Variants in CCDC7 observed in about 807,000 individuals in gnomAD.
CCDC7 encodes coiled-coil domain-containing protein 7.
CCDC7 carries 183 observed loss-of-function variants against 196.9 expected under a neutral mutation model. That is an observed-to-expected ratio of 0.93 (90% CI 0.82 to 1.05). CCDC7 has a LOEUF of 1.05. CCDC7 is among the 50% of genes least tolerant of loss of function. The pLI is 0.00. For synonymous variants in CCDC7, 525 were observed against 484.6 expected (o/e 1.08, Z -1.10); for missense variants, 1,540 against 1,482.2 (o/e 1.04, Z -0.64).
At chr10:32,859,376 C>T (rs2093883997) in intron 41 of CCDC7, among the ~76,000 whole-genome samples, 1 of 152,086 alleles carries the variant, frequency 6.6e-6, no homozygotes, top group Non-Finnish European at 1.5e-5. Context: ...CCAATGAGAA[C>T]AAAGACAGAG....
intron 18 of CCDC7, among the ~76,000 whole-genome samples, chr10:32,621,165 G>A (rs1286171194): frequency 6.6e-6 from 1 of 152,122 alleles, no homozygotes; most frequent in Non-Finnish European, 1.5e-5. Flanking sequence ...ACTTTACTTT[G>A]AAGGATTTTA....
At chr10:32,765,086 CTCAA>C (rs2078059286) in intron 28 of CCDC7, among the ~76,000 whole-genome samples, 1 of 151,970 alleles carries the variant, frequency 6.6e-6, no homozygotes, top group South Asian at 2.1e-4. Flanking sequence ...GTCATGGCCT[CTCAA>C]TCAATTCCCA....
chr10:32,552,632 A>G (rs1236883844), intron 13 of CCDC7, among the ~76,000 whole-genome samples: 1 of 152,088 alleles, frequency 6.6e-6, no homozygotes, highest in East Asian at 1.9e-4. Context: ...GAATTCTCTC[A>G]CCATTTGTTT....
intron 20 of CCDC7, among the ~76,000 whole-genome samples, chr10:32,663,381 G>A (rs2071933169): frequency 6.6e-6 from 1 of 152,114 alleles, no homozygotes; most frequent in South Asian, 2.1e-4. Flanking sequence ...TTTGCATGTA[G>A]GGTCTATGCA....
chr10:32,589,180 A>G (rs1009681238), intron 18 of CCDC7, among the ~76,000 whole-genome samples: 2 of 151,778 alleles, frequency 1.3e-5, no homozygotes, highest in East Asian at 3.9e-4. Flanking sequence ...CCATCCTTCT[A>G]CTCTCAATGT....
At chr10:32,834,685 T>C (rs2092464758) in intron 32 of CCDC7, 130 bp from the exon 34 acceptor site, 1 of 471,614 alleles carries the variant, frequency 2.1e-6, no homozygotes, top group Non-Finnish European at 3.9e-6. Flanking sequence ...TAATTCATCT[T>C]CTTTAATGAC....
chr10:32,822,165 C>T (rs977453351), intron 31 of CCDC7, among the ~76,000 whole-genome samples: 6 of 152,124 alleles, frequency 3.9e-5, no homozygotes, highest in African/African-American at 1.4e-4. Context: ...TGACCTCTGA[C>T]AGTAATTTGA....
intron 9 of CCDC7, among the ~76,000 whole-genome samples, chr10:32,500,902 C>T (rs1589244982): frequency 6.6e-6 from 1 of 152,278 alleles, no homozygotes; most frequent in East Asian, 1.9e-4. Flanking sequence ...GAAAACCAGT[C>T]AGGCGTGGCG....
chr10:32,654,798 C>T (rs975412128), intron 20 of CCDC7, among the ~76,000 whole-genome samples: 5 of 152,174 alleles, frequency 3.3e-5, no homozygotes, highest in Admixed American at 6.5e-5. Context: ...TTTCCTAAAC[C>T]TGTGCACAGC....
intron 32 of CCDC7, among the ~76,000 whole-genome samples, chr10:32,831,247 T>C (rs1007957543): frequency 7.9e-5 from 12 of 152,144 alleles, no homozygotes; most frequent in African/African-American, 2.9e-4. Context: ...TAAAAAGTGG[T>C]ACACCTGTGT....
At chr10:32,786,671 G>T (rs931027356) in intron 29 of CCDC7, among the ~76,000 whole-genome samples, 3 of 152,142 alleles carry the variant, frequency 2.0e-5, no homozygotes, top group African/African-American at 7.2e-5. Context: ...TGAAGCAGGA[G>T]AATTGTTTCA....
At chr10:32,528,890 A>C (rs2049180181) in intron 11 of CCDC7, among the ~76,000 whole-genome samples, 1 of 151,764 alleles carries the variant, frequency 6.6e-6, no homozygotes, top group African/African-American at 2.4e-5. Context: ...ATGCTGCTAT[A>C]AACATGCATT....
At position 32,846,070 on chromosome 10, in the gene CCDC7, T is replaced by C. The variant is rs548078157; in HGVS notation, c.3604+111T>C. 1.8e-4 allele frequency: 144 copies of C among 804,972 alleles called. 2 individuals carry two copies. The South Asian group carries it at 1.9e-3, about 11-fold the overall frequency. 49.9% of individuals were successfully genotyped at this position (804,972 alleles called of 1,614,324 possible). On this transcript the variant is annotated intron_variant, in intron 36 of 41. Coordinates refer to ENST00000639629, the Ensembl canonical transcript of CCDC7. ...AGTACCTGTATCATAGTACTTTCCA[T>C]AGCAAAAGATGCTATTGGAAGACAT... is the stretch of plus-strand genomic sequence containing the variant.
chr10:32,445,262 T>C (rs2030690156), upstream of CCDC7, among the ~76,000 whole-genome samples: 1 of 152,192 alleles, frequency 6.6e-6, no homozygotes, highest in Admixed American at 6.5e-5. Context: ...TGGTAACTCC[T>C]AGTGGTGTGA....
At chr10:32,458,289 T>C (rs2034801536) in intron 3 of CCDC7, among the ~76,000 whole-genome samples, 1 of 152,104 alleles carries the variant, frequency 6.6e-6, no homozygotes, top group Admixed American at 6.6e-5. Context: ...AAAGACTGTC[T>C]TTTTCCCAAT....
intron 21 of CCDC7, among the ~76,000 whole-genome samples, chr10:32,673,792 T>C (rs2074472875): frequency 6.6e-6 from 1 of 152,036 alleles, no homozygotes; most frequent in African/African-American, 2.4e-5. Flanking sequence ...TATTATTTAC[T>C]ATTGACCTTT....
intron 11 of CCDC7, among the ~76,000 whole-genome samples, chr10:32,543,052 T>C (rs1055017557): frequency 2.0e-4 from 30 of 152,306 alleles, no homozygotes; most frequent in African/African-American, 7.0e-4. Context: ...ACATAATTGA[T>C]TGATATTGTC....
chr10:32,704,702 G>A (rs915502158), intron 24 of CCDC7, among the ~76,000 whole-genome samples: 1 of 152,168 alleles, frequency 6.6e-6, no homozygotes, highest in Non-Finnish European at 1.5e-5. Context: ...TCAAGCCTCA[G>A]CAATGGCAGG....
rs543836469 is a variant in CCDC7 at position 32,848,455 on chromosome 10, A to T, written c.3773-141A>T. On this transcript the variant is annotated intron_variant, in intron 38 of 41. Transcript: ENST00000639629. ...TGATGAGAGACTACACAGAAATTTAAGTAATAAACAAGTGGCCATTTAATA... is the reference window on the plus strand; with the variant it reads ...TGATGAGAGACTACACAGAAATTTATGTAATAAACAAGTGGCCATTTAATA... The T allele has an allele frequency of 2.1e-5, 13 of 607,104 alleles. No homozygotes were observed. The African/African-American group carries it at 2.4e-4, about 11-fold the overall frequency. 37.6% of individuals were successfully genotyped at this position (607,104 alleles called of 1,614,324 possible).
Sources: allele counts gnomAD v4.1 joint callset (sites outside exome capture counted in the v4.1 genomes callset), GRCh38; gene constraint gnomAD v4.1.1; transcripts MANE v1.5; gene names NCBI Gene and HGNC (gene_info 2026-07-23, HGNC 2026-07-21).